Variants in KIAA1549L observed in about 807,000 individuals in gnomAD.
KIAA1549L encodes UPF0606 protein KIAA1549L.
Under a neutral mutation model 160.7 loss-of-function variants are expected in KIAA1549L, and 88 were observed. The ratio of observed to expected loss-of-function variants is 0.55; its 90% CI spans 0.46 to 0.65. The LOEUF is 0.65. Among genes scored for constraint, KIAA1549L ranks in the 30% least tolerant of loss-of-function variants. KIAA1549L has a pLI of 0.00. For missense variants in KIAA1549L, 2,258 were observed against 2,437.5 expected (o/e 0.93, Z 1.55); for synonymous variants, 950 against 976.7 (o/e 0.97, Z 0.51).
intron 1 of KIAA1549L, among the ~76,000 whole-genome samples, chr11:33,513,886 A>C (rs1439744669): frequency 6.6e-6 from 1 of 152,228 alleles, no homozygotes; most frequent in Non-Finnish European, 1.5e-5. Context: ...TTTATTTGTC[A>C]TCTACCCTCT....
chr11:33,405,669 C>A (rs1009101064), intron 1 of KIAA1549L, among the ~76,000 whole-genome samples: 1 of 151,528 alleles, frequency 6.6e-6, no homozygotes, highest in Non-Finnish European at 1.5e-5. Flanking sequence ...TGGTGAAACC[C>A]CGTCTCTACT....
chr11:33,583,564 C>A, intron 11 of KIAA1549L, 63 bp downstream of exon 11: 1 of 1,460,976 alleles, frequency 6.8e-7, no homozygotes, highest in Non-Finnish European at 9.2e-7. Context: ...GCCTGCCTTT[C>A]CCTCTTGCCT....
chr11:33,602,375 A>G (rs1430959532), intron 13 of KIAA1549L, among the ~76,000 whole-genome samples: 2 of 152,244 alleles, frequency 1.3e-5, no homozygotes, highest in Non-Finnish European at 2.9e-5. Context: ...TTGCCTTCCC[A>G]ATGAAGTGAA....
At chr11:33,521,283 A>G (rs527793873) in intron 1 of KIAA1549L, among the ~76,000 whole-genome samples, 3 of 152,326 alleles carry the variant, frequency 2.0e-5, no homozygotes, top group African/African-American at 7.2e-5. Flanking sequence ...GGCAGGATAC[A>G]GTTGCGGTTA....
intron 1 of KIAA1549L, among the ~76,000 whole-genome samples, chr11:33,531,071 ATTC>A (rs1450748462): frequency 2.0e-5 from 3 of 152,238 alleles, no homozygotes; most frequent in Non-Finnish European, 2.9e-5. Flanking sequence ...GAGGAATGGA[ATTC>A]TTCTTCTTTT....
At chr11:33,525,154 A>C (rs1214312937) in intron 1 of KIAA1549L, among the ~76,000 whole-genome samples, 3 of 152,168 alleles carry the variant, frequency 2.0e-5, no homozygotes, top group Non-Finnish European at 2.9e-5. Flanking sequence ...CACTACAGGA[A>C]CATACCAGGA....
chr11:33,518,144 A>C (rs1853395772), intron 1 of KIAA1549L, among the ~76,000 whole-genome samples: 1 of 50,384 alleles, frequency 2.0e-5, no homozygotes, highest in South Asian at 5.5e-4. Flanking sequence ...GTCTCAAAAA[A>C]AAAAAAAAAA....
intron 6 of KIAA1549L, among the ~76,000 whole-genome samples, chr11:33,557,482 G>A (rs539998140): frequency 6.6e-6 from 1 of 152,168 alleles, no homozygotes; most frequent in East Asian, 1.9e-4. Context: ...CATGCCTTGG[G>A]GAAGAGGCTA....
intron 1 of KIAA1549L, among the ~76,000 whole-genome samples, chr11:33,383,324 A>G (rs1197936373): frequency 1.3e-5 from 2 of 151,854 alleles, no homozygotes; most frequent in African/African-American, 4.8e-5. Context: ...CCAGACAAAA[A>G]TGAATAGTTG....
chr11:33,510,936 A>G (rs527715884), intron 1 of KIAA1549L, among the ~76,000 whole-genome samples: 7 of 152,260 alleles, frequency 4.6e-5, no homozygotes, highest in Non-Finnish European at 1.0e-4. Context: ...GCACAGGCCC[A>G]GGAGTCATGC....
intron 1 of KIAA1549L, among the ~76,000 whole-genome samples, chr11:33,499,023 A>G (rs1852884013): frequency 6.6e-6 from 1 of 152,096 alleles, no homozygotes; most frequent in Non-Finnish European, 1.5e-5. Context: ...TTAAACATGA[A>G]TATGTAGAGC....
intron 6 of KIAA1549L, among the ~76,000 whole-genome samples, chr11:33,558,328 C>T (rs956427206): frequency 1.3e-5 from 2 of 152,216 alleles, no homozygotes; most frequent in South Asian, 2.1e-4. Flanking sequence ...AGCTGGGACC[C>T]GATGGGGTGA....
At chr11:33,556,034 T>C (rs1266119236) in intron 6 of KIAA1549L, among the ~76,000 whole-genome samples, 1 of 152,146 alleles carries the variant, frequency 6.6e-6, no homozygotes, top group Admixed American at 6.5e-5. Context: ...AAAAAAGATA[T>C]ACAGATGACT....
chr11:33,545,645 A>C (rs1854227169), intron 3 of KIAA1549L, among the ~76,000 whole-genome samples: 2 of 152,234 alleles, frequency 1.3e-5, no homozygotes, highest in African/African-American at 4.8e-5. Context: ...TCCAGCCTAA[A>C]ACATCCATAG....
intron 1 of KIAA1549L, among the ~76,000 whole-genome samples, chr11:33,385,221 C>G (rs556209235): frequency 1.3e-5 from 2 of 152,264 alleles, no homozygotes; most frequent in African/African-American, 2.4e-5. Context: ...AAAGACTATC[C>G]TTGGTCCATT....
At chr11:33,569,322 A>G (rs1294623111) in intron 9 of KIAA1549L, among the ~76,000 whole-genome samples, 1 of 152,216 alleles carries the variant, frequency 6.6e-6, no homozygotes, top group Non-Finnish European at 1.5e-5. Flanking sequence ...TGTGCTAATT[A>G]ACAAAGCTCT....
At chr11:33,479,528 A>G (rs191882432) in intron 1 of KIAA1549L, among the ~76,000 whole-genome samples, 9 of 152,364 alleles carry the variant, frequency 5.9e-5, no homozygotes, top group African/African-American at 2.2e-4. Context: ...GCTGTGCCAA[A>G]GAGAAAGGGG....
chr11:33,673,987 G>C lies in KIAA1549L; in HGVS notation c.*5833G>C, dbSNP rs1024095070. On this transcript the variant is annotated 3_prime_UTR_variant, in exon 21 of 21. Coordinates refer to ENST00000658780, the MANE Select transcript of KIAA1549L (RefSeq NM_012194.3). ...TGAATGTAGCTGTTGTTATTTTAATGCTTCGCTTTCTAATGAACTTTGTAC... is the reference window on the plus strand; with the variant it reads ...TGAATGTAGCTGTTGTTATTTTAATCCTTCGCTTTCTAATGAACTTTGTAC... 7 of 152,216 alleles carry C rather than the reference G, an allele frequency of 4.6e-5. No individual in the cohort carries two copies. The highest frequency in any genetic ancestry group is 1.0e-4 in the Non-Finnish European group (7 of 68,040). 9.4% of individuals were successfully genotyped at this position (152,216 alleles called of 1,614,324 possible). A position where few individuals can be genotyped will look rare whatever the true frequency, so the allele number is the denominator to read the frequency against.
intron 10 of KIAA1549L, 75 bp from the exon 11 acceptor site, chr11:33,583,263 G>T (rs147613647): frequency 1.6e-5 from 22 of 1,380,636 alleles, no homozygotes; most frequent in African/African-American, 2.8e-5. Flanking sequence ...GGACTGGGGT[G>T]GGGGGTTATG....
Sources: allele counts gnomAD v4.1 joint callset (sites outside exome capture counted in the v4.1 genomes callset), GRCh38; gene constraint gnomAD v4.1.1; transcripts MANE v1.5; gene names NCBI Gene and HGNC (gene_info 2026-07-23, HGNC 2026-07-21).